The following MACROD1 variants were observed in gnomAD, a reference collection of about 807,000 sequenced individuals.
MACROD1 encodes the protein ADP-ribose glycohydrolase MACROD1.
Under a neutral mutation model 41.4 loss-of-function variants are expected in MACROD1, and 31 were observed. The observed-to-expected ratio is 0.75, with a 90% CI of 0.56 to 1.01. The LOEUF (loss-of-function observed/expected upper bound fraction) is 1.01, where lower values mean the gene tolerates loss of function less well. Ranked by LOEUF, MACROD1 falls within the 50% of genes least tolerant of loss-of-function variation. The pLI, the probability that MACROD1 is intolerant of heterozygous loss-of-function variation, is 0.00. For missense variants in MACROD1, 473 were observed against 460.0 expected (o/e 1.03, Z -0.26); for synonymous variants, 252 against 203.4 (o/e 1.24, Z -2.03).
intron 3 of MACROD1, among the ~76,000 whole-genome samples, chr11:64,094,742 C>T (rs1254414678): frequency 6.6e-6 from 1 of 152,226 alleles, no homozygotes; most frequent in African/African-American, 2.4e-5. Context: ...CAATGCTGAC[C>T]CCTATCTACC....
intron 4 of MACROD1, among the ~76,000 whole-genome samples, chr11:64,003,439 G>A (rs1296967073): frequency 6.6e-6 from 1 of 152,080 alleles, no homozygotes; most frequent in African/African-American, 2.4e-5. Flanking sequence ...GGCTGGTCTT[G>A]AACTCCTGAC....
At chr11:64,048,326 C>T (rs1160137832) in intron 3 of MACROD1, among the ~76,000 whole-genome samples, 2 of 152,240 alleles carry the variant, frequency 1.3e-5, no homozygotes, top group African/African-American at 4.8e-5. Context: ...GCCTTTGTGC[C>T]AGTGCACTGT....
chr11:64,147,680 T>C (rs1438128173), intron 3 of MACROD1, among the ~76,000 whole-genome samples: 1 of 151,922 alleles, frequency 6.6e-6, no homozygotes, highest in Non-Finnish European at 1.5e-5. Flanking sequence ...TGTCTCAGCC[T>C]CCCAAAGTTC....
intron 3 of MACROD1, 24 bp from the exon 4 acceptor site, chr11:64,015,305 A>C: frequency 6.2e-7 from 1 of 1,601,118 alleles, no homozygotes. Context: ...AGACAAAGGC[A>C]GATCAGTGGG....
At chr11:64,138,595 G>C in intron 3 of MACROD1, 2 of 981,386 alleles carry the variant, frequency 2.0e-6, no homozygotes, top group African/African-American at 1.7e-5. Flanking sequence ...CCTGCTGGCA[G>C]AGGAATGGCT....
At chr11:64,107,472 G>A (rs189687882) in intron 3 of MACROD1, among the ~76,000 whole-genome samples, 167 of 152,108 alleles carry the variant, frequency 1.1e-3, no homozygotes, top group African/African-American at 3.6e-3. Flanking sequence ...AGGACATCCC[G>A]CCGCCTGGCA....
intron 3 of MACROD1, among the ~76,000 whole-genome samples, chr11:64,070,899 A>G (rs1944097222): frequency 6.6e-6 from 1 of 152,124 alleles, no homozygotes; most frequent in Non-Finnish European, 1.5e-5. Flanking sequence ...CACTTGGGGA[A>G]GGGGTACCCA....
chr11:64,001,295 G>C, intron 4 of MACROD1: 1 of 626,564 alleles, frequency 1.6e-6, no homozygotes, highest in South Asian at 1.9e-5. Context: ...TGGAATACCG[G>C]GACAGCGACC....
At chr11:64,040,831 C>G (rs1009908677) in intron 3 of MACROD1, among the ~76,000 whole-genome samples, 1 of 152,006 alleles carries the variant, frequency 6.6e-6, no homozygotes, top group South Asian at 2.1e-4. Context: ...GCCCCGGACC[C>G]GGCTGTATGG....
intron 3 of MACROD1, chr11:64,138,391 T>C (rs1945360932): frequency 3.6e-6 from 2 of 554,012 alleles, no homozygotes; most frequent in Admixed American, 1.3e-4. Flanking sequence ...TTAGCTCCTT[T>C]GACAATTGAA....
chr11:64,111,803 C>T (rs771403467), intron 3 of MACROD1, among the ~76,000 whole-genome samples: 7 of 152,176 alleles, frequency 4.6e-5, no homozygotes, highest in Non-Finnish European at 8.8e-5. Context: ...TCCCAGTCCC[C>T]AATGTAATGA....
At chr11:64,058,110 TC>T (rs1943825089) in intron 3 of MACROD1, among the ~76,000 whole-genome samples, 1 of 152,240 alleles carries the variant, frequency 6.6e-6, no homozygotes, top group Non-Finnish European at 1.5e-5. Flanking sequence ...ATTTTCCTAA[TC>T]CATGACACCT....
intron 3 of MACROD1, among the ~76,000 whole-genome samples, chr11:64,125,783 T>C (rs1319301397): frequency 2.0e-5 from 3 of 152,144 alleles, no homozygotes; most frequent in Non-Finnish European, 4.4e-5. Context: ...GGGAGAGAAC[T>C]GGGGGAGGGC....
intron 3 of MACROD1, among the ~76,000 whole-genome samples, chr11:64,055,526 G>A (rs565668739): frequency 4.7e-4 from 72 of 152,308 alleles, no homozygotes; most frequent in African/African-American, 1.6e-3. Context: ...AAAGAGGAGC[G>A]GGGGAACCTT....
At chr11:64,060,949 G>T (rs979060886) in intron 3 of MACROD1, among the ~76,000 whole-genome samples, 18 of 151,826 alleles carry the variant, frequency 1.2e-4, no homozygotes, top group Admixed American at 1.0e-3. Context: ...CGGCGGCGGC[G>T]GCGGCGGGGC....
At chr11:64,101,027 G>A (rs1026947722) in intron 3 of MACROD1, among the ~76,000 whole-genome samples, 10 of 152,226 alleles carry the variant, frequency 6.6e-5, no homozygotes, top group African/African-American at 1.9e-4. Flanking sequence ...CAGGTGCTGG[G>A]GGATCCAGCC....
chr11:64,087,697 A>T (rs1037201853), intron 3 of MACROD1, among the ~76,000 whole-genome samples: 6 of 152,144 alleles, frequency 3.9e-5, no homozygotes, highest in Admixed American at 6.5e-5. Flanking sequence ...TGATCTCATG[A>T]TGCTGCATGC....
In MACROD1 at chr11:64,146,426, G is replaced by A. The variant is rs923490945; in HGVS notation, c.517+4813C>T. The stretch of plus-strand genomic sequence containing the variant: ...ATGGCAGCCCAATTTCATTAAGACG[G>A]ATGCGCCATGCTCCTGTGGGCAGGA... On this transcript the variant is annotated intron_variant, in intron 3 of 10. Transcript: ENST00000255681. This position sits in a 1 kb window ranked among gnomAD's most constrained non-coding sequence, Gnocchi z 4.7. Among the ~76,000 whole-genome samples the A allele has an allele frequency of 6.6e-6, 1 of 152,124 alleles. No homozygotes were observed. Among genetic ancestry groups the A allele is most frequent in the South Asian group, 2.1e-4 (1 of 4,820 alleles).
chr11:64,061,030 T>G (rs956514501), intron 3 of MACROD1, among the ~76,000 whole-genome samples: 61 of 152,206 alleles, frequency 4.0e-4, no homozygotes, highest in African/African-American at 1.4e-3. Context: ...AACCGCGGCC[T>G]CCTCCTCCCT....
Sources: allele counts gnomAD v4.1 joint callset (sites outside exome capture counted in the v4.1 genomes callset), GRCh38; gene constraint gnomAD v4.1.1; non-coding constraint Gnocchi (gnomAD v3.1); transcripts MANE v1.5; gene names NCBI Gene and HGNC (gene_info 2026-07-23, HGNC 2026-07-21).